The following FOXO1 variants were observed in gnomAD, a reference collection of about 807,000 sequenced individuals.
FOXO1 encodes the protein forkhead box protein O1.
Under a neutral mutation model 44.1 loss-of-function variants are expected in FOXO1, and 6 were observed. That is an observed-to-expected ratio of 0.14 (90% CI 0.07 to 0.27). The LOEUF (loss-of-function observed/expected upper bound fraction) is 0.27. Among genes scored for constraint, FOXO1 ranks in the 10% least tolerant of loss-of-function variants. FOXO1 has a pLI of 1.00. For synonymous variants in FOXO1, 380 were observed against 362.7 expected (o/e 1.05, Z -0.54); for missense variants, 737 against 888.8 (o/e 0.83, Z 2.17).
chr13:40,641,264 T>C (rs1877343275), intron 1 of FOXO1, among the ~76,000 whole-genome samples: 1 of 152,056 alleles, frequency 6.6e-6, no homozygotes, highest in Admixed American at 6.6e-5. Context: ...CACAGGCAAC[T>C]CCTCTTCACC....
rs535072202 is a variant in FOXO1 at position 40,600,390 on chromosome 13, T to TG, written c.631-39531dup. 1.1e-3 allele frequency among the ~76,000 whole-genome samples: 164 copies of TG among 152,196 alleles called. 4 individuals carry two copies. In the East Asian group the frequency reaches 0.02, roughly 18 times the overall value. ...ACGGAAGTGCACAGGGGCTTTACCT[T>TG]GGGGGGCACTCACATAGATTAGTAA... On this transcript the variant is annotated intron_variant, in intron 1 of 2. Transcript: ENST00000379561.
chr13:40,620,673 C>A (rs1298763410), intron 1 of FOXO1, among the ~76,000 whole-genome samples: 5 of 152,036 alleles, frequency 3.3e-5, no homozygotes, highest in Non-Finnish European at 5.9e-5. Context: ...AAGGAGACAG[C>A]ACTGAAATGC....
Position 40,665,668 on chromosome 13 carries a change from G to T in FOXO1, c.545C>A (p.Thr182Lys), listed in dbSNP as rs1344048865. 1 of 1,540,242 alleles carries T rather than the reference G, an allele frequency of 6.5e-7. No homozygotes were observed. The change falls in exon 1 of 3, where the codon ACG (threonine) becomes AAG (lysine). Residue 182 changes from threonine to lysine, a missense_variant. By Grantham distance (78) the Thr-to-Lys change is moderately conservative. Transcript: ENST00000379561. ...AIESSAEKRL[T>K]LSQIYEWMVK... is the part of the protein sequence containing the mutation. Reference sequence around the variant, plus strand: ...CATCCACTCGTAGATCTGCGACAGCGTGAGCCGCTTCTCCGCCGAGCTCTC... The same window carrying T: ...CATCCACTCGTAGATCTGCGACAGCTTGAGCCGCTTCTCCGCCGAGCTCTC...
At chr13:40,571,207 C>T (rs538567139) in intron 1 of FOXO1, among the ~76,000 whole-genome samples, 2 of 150,992 alleles carry the variant, frequency 1.3e-5, no homozygotes, top group African/African-American at 2.4e-5. Flanking sequence ...GAACATCACA[C>T]ACCGGGGCCT....
In FOXO1 at chr13:40,560,433, G is replaced by C; in HGVS notation, c.1058C>G (p.Ala353Gly). 6.2e-7 allele frequency: 1 copy of C among 1,614,094 alleles called. No homozygotes were observed. The highest frequency in any genetic ancestry group is 8.5e-7 in the Non-Finnish European group (1 of 1,179,982). The stretch of plus-strand genomic sequence containing the variant: ...ACTGGGTAAAGTAGAGGCCATCTTT[G>C]CGGCAGATGGCGGGTACACCATAGA... The part of the protein sequence containing the change: ...VHSMVYPPSA[A>G]KMASTLPSLS... The change falls in exon 2 of 3, where the codon GCA (alanine) becomes GGA (glycine). Residue 353 changes from alanine (A) to glycine (G), a missense_variant. Around this residue, in one of 7 missense-constraint regions of FOXO1, gnomAD observed 136 missense variants for 186.4 expected, o/e 0.73. Transcript: ENST00000379561. This position sits in a 1 kb window ranked among gnomAD's most constrained non-coding sequence, Gnocchi z 5.1.
At chr13:40,649,724 T>C (rs774760947) in intron 1 of FOXO1, among the ~76,000 whole-genome samples, 14 of 152,150 alleles carry the variant, frequency 9.2e-5, no homozygotes, top group East Asian at 1.9e-4. Context: ...AATTCAGAAA[T>C]TGACTCACTT....
chr13:40,655,877 T>C lies in FOXO1; in HGVS notation c.630+9706A>G, dbSNP rs531550704. On this transcript the variant is annotated intron_variant, in intron 1 of 2. Coordinates refer to ENST00000379561, the MANE Select transcript of FOXO1 (RefSeq NM_002015.4). ...CAGGCCAACTCCTGGCTTCCAGTGA[T>C]CTACCCACCTCAACCTCCCAAAGTG... Among the ~76,000 whole-genome samples the C allele has an allele frequency of 2.0e-5, 3 of 152,230 alleles. No individual in the cohort carries two copies. In the South Asian group the frequency reaches 6.2e-4, roughly 32 times the overall value.
chr13:40,647,497 T>TG (rs1877549743), intron 1 of FOXO1, among the ~76,000 whole-genome samples: 1 of 152,076 alleles, frequency 6.6e-6, no homozygotes, highest in Admixed American at 6.6e-5. Context: ...CTCCACTTCC[T>TG]GGGTTCAAGC....
At chr13:40,564,831 C>T (rs1376376751) in intron 1 of FOXO1, among the ~76,000 whole-genome samples, 5 of 151,914 alleles carry the variant, frequency 3.3e-5, no homozygotes, top group African/African-American at 1.2e-4. Context: ...TTCTCTGCAG[C>T]CCCACTCACA....
intron 1 of FOXO1, among the ~76,000 whole-genome samples, chr13:40,576,539 C>T (rs144855103): frequency 6.6e-6 from 1 of 152,284 alleles, no homozygotes; most frequent in East Asian, 1.9e-4. Context: ...GAGCTGCTGT[C>T]CTTGGCTGTG....
intron 1 of FOXO1, among the ~76,000 whole-genome samples, chr13:40,651,041 G>C (rs572143596): frequency 1.3e-5 from 2 of 152,208 alleles, no homozygotes; most frequent in South Asian, 4.1e-4. Flanking sequence ...CCAAAGTGCT[G>C]GGGTTACAGG....
At position 40,630,973 on chromosome 13, in the gene FOXO1, T is replaced by C. The variant is rs545950745; in HGVS notation, c.630+34610A>G. On this transcript the variant is annotated intron_variant, in intron 1 of 2. Transcript: ENST00000379561. ...CCCACCCCAAAGAGGCTTACTAAAG[T>C]TAGGGGCAATTTTCCACCTAACATA... 1.3e-3 allele frequency among the ~76,000 whole-genome samples: 197 copies of C among 152,154 alleles called. 2 individuals are homozygous for C. Among genetic ancestry groups the C allele is most frequent in the African/African-American group, 4.4e-3 (182 of 41,506 alleles).
chr13:40,664,571 G>A (rs1039492775), intron 1 of FOXO1, among the ~76,000 whole-genome samples: 2 of 151,814 alleles, frequency 1.3e-5, no homozygotes, highest in African/African-American at 2.4e-5. Context: ...TGGTCGCAAA[G>A]CCCCCCCGCC....
chr13:40,559,470 T>C, intron 2 of FOXO1, 39 bp downstream of exon 2: 1 of 1,513,304 alleles, frequency 6.6e-7, no homozygotes, highest in East Asian at 2.3e-5. Flanking sequence ...TTTTAAGTTC[T>C]ATTTTTCAAA....
intron 1 of FOXO1, among the ~76,000 whole-genome samples, chr13:40,568,559 T>A (rs1439446990): frequency 6.6e-6 from 1 of 152,216 alleles, no homozygotes; most frequent in African/African-American, 2.4e-5. Context: ...AACCCTTTTT[T>A]TACAAGAGTT....
rs1873788287 is a variant in FOXO1, at chr13:40,557,192, G to T, written c.*1857C>A. 1 of 152,180 alleles carries T rather than the reference G, an allele frequency of 6.6e-6. No homozygotes were observed. Among genetic ancestry groups the T allele is most frequent in the Admixed American group, 6.5e-5 (1 of 15,280 alleles). 9.4% of individuals were successfully genotyped at this position (152,180 alleles called of 1,614,324 possible). A position where few individuals can be genotyped will look rare whatever the true frequency, so the allele number is the denominator to read the frequency against. ...GCAAGTGTGATGTGGGCTATATACA[G>T]AAAAATTAGATCCTTCTCAAGAACA... On this transcript the variant is annotated 3_prime_UTR_variant, in exon 3 of 3. Transcript: ENST00000379561.
rs74857105 is a variant in FOXO1 at position 40,664,278 on chromosome 13, G to C, written c.630+1305C>G. Reference sequence around the variant, plus strand: ...CAGAGCGAGACTCCGTCTCGGAGGAGGGGAGGGAGGTGTTTAGCTCAACTA... The same window carrying C: ...CAGAGCGAGACTCCGTCTCGGAGGACGGGAGGGAGGTGTTTAGCTCAACTA... On this transcript the variant is annotated intron_variant, in intron 1 of 2. Coordinates refer to ENST00000379561, the MANE Select transcript of FOXO1 (RefSeq NM_002015.4). 3.9e-3 allele frequency among the ~76,000 whole-genome samples: 594 copies of C among 152,274 alleles called. 1 individual carries two copies. The highest frequency in any genetic ancestry group is 5.0e-3 in the Non-Finnish European group (340 of 68,018).
At chr13:40,630,988 C>T (rs909969083) in intron 1 of FOXO1, among the ~76,000 whole-genome samples, 3 of 152,116 alleles carry the variant, frequency 2.0e-5, no homozygotes, top group South Asian at 2.1e-4. Flanking sequence ...GGCAATTTTC[C>T]ACCTAACATA....
At chr13:40,628,556 G>A (rs1476939361) in intron 1 of FOXO1, among the ~76,000 whole-genome samples, 1 of 151,846 alleles carries the variant, frequency 6.6e-6, no homozygotes, top group Non-Finnish European at 1.5e-5. Context: ...TTTTGTTCAC[G>A]CTACTACCAC....
Sources: allele counts gnomAD v4.1 joint callset (sites outside exome capture counted in the v4.1 genomes callset), GRCh38; gene constraint gnomAD v4.1.1; regional missense constraint gnomAD v4.1.1; non-coding constraint Gnocchi (gnomAD v3.1); transcripts MANE v1.5; gene names NCBI Gene and HGNC (gene_info 2026-07-23, HGNC 2026-07-21).